The following SUSD4 variants were observed in gnomAD, a reference collection of about 807,000 sequenced individuals.
The protein encoded by SUSD4 is sushi domain-containing protein 4.
Under a neutral mutation model 50.5 loss-of-function variants are expected in SUSD4, and 41 were observed. The ratio of observed to expected loss-of-function variants is 0.81; its 90% confidence interval spans 0.63 to 1.05. The LOEUF is 1.05. Ranked by LOEUF, SUSD4 falls within the 50% of genes least tolerant of loss-of-function variation. The pLI is 0.00. For synonymous variants in SUSD4, 257 were observed against 257.3 expected (o/e 1.00, Z 0.01); for missense variants, 580 against 634.7 (o/e 0.91, Z 0.93).
intron 3 of SUSD4, among the ~76,000 whole-genome samples, chr1:223,283,128 G>A (rs936228157): frequency 5.3e-5 from 8 of 152,148 alleles, no homozygotes; most frequent in South Asian, 2.1e-4. Context: ...CATAAAAACC[G>A]TAGAAGAAAA....
At chr1:223,339,495 C>T (rs1667636956) in intron 2 of SUSD4, among the ~76,000 whole-genome samples, 1 of 152,134 alleles carries the variant, frequency 6.6e-6, no homozygotes, top group African/African-American at 2.4e-5. Flanking sequence ...CCCTCCAACC[C>T]GCCATCTCCC....
At chr1:223,349,844 G>T (rs888817159) in intron 2 of SUSD4, among the ~76,000 whole-genome samples, 2 of 152,114 alleles carry the variant, frequency 1.3e-5, no homozygotes, top group Non-Finnish European at 2.9e-5. Context: ...TCTTCCTTTC[G>T]TATCTGCTAA....
chr1:223,330,035 T>C (rs1007476498), intron 2 of SUSD4, among the ~76,000 whole-genome samples: 9 of 152,132 alleles, frequency 5.9e-5, no homozygotes, highest in Non-Finnish European at 1.3e-4. Flanking sequence ...GCAGTATAGA[T>C]GGATGGATAA....
At chr1:223,263,580 A>G (rs777426683) in intron 5 of SUSD4, 43 of 985,294 alleles carry the variant, frequency 4.4e-5, no homozygotes, top group Middle Eastern at 1.0e-3. Flanking sequence ...GACAAAACCA[A>G]TGGGAAGGGC....
intron 5 of SUSD4, among the ~76,000 whole-genome samples, chr1:223,247,742 C>A (rs944093841): frequency 6.6e-6 from 1 of 152,086 alleles, no homozygotes; most frequent in Non-Finnish European, 1.5e-5. Flanking sequence ...GGGAGCTTTG[C>A]CTAATTGGTC....
Position 223,264,695 on chromosome 1 carries a change from G to A in SUSD4, c.659C>T (p.Ala220Val), listed in dbSNP as rs1441489731. The change falls in exon 5 of 9, where the codon GCG becomes GTG. Residue 220 changes from alanine (A) to valine (V), a missense_variant. Coordinates refer to ENST00000366878, the MANE Select transcript of SUSD4 (RefSeq NM_017982.4). ...AAGGTTTTGTAAGCACTCAAGATAC[G>A]CAGACCCATCAAGTTTAAATCCGGG... is the stretch of plus-strand genomic sequence containing the variant. The part of the protein sequence containing the change: ...CFPGFKLDGS[A>V]YLECLQNLIW... 2.5e-6 allele frequency: 4 copies of A among 1,614,208 alleles called. No homozygotes were observed. Among genetic ancestry groups the A allele is most frequent in the South Asian group, 2.2e-5 (2 of 91,082 alleles).
intron 2 of SUSD4, among the ~76,000 whole-genome samples, chr1:223,306,505 T>C (rs923147748): frequency 1.3e-5 from 2 of 152,194 alleles, no homozygotes; most frequent in African/African-American, 4.8e-5. Flanking sequence ...AATTTTTTTG[T>C]TTTTGAGATA....
intron 4 of SUSD4, 68 bp downstream of exon 4, chr1:223,268,434 G>C (rs896895942): frequency 6.5e-7 from 1 of 1,536,108 alleles, no homozygotes; most frequent in Non-Finnish European, 8.8e-7. Context: ...AGATAAACAT[G>C]TACACAGTCT....
At chr1:223,270,098 ATGATGGGAAAGACTCAG>A (rs1278240662) in intron 3 of SUSD4, among the ~76,000 whole-genome samples, 1 of 152,184 alleles carries the variant, frequency 6.6e-6, no homozygotes, top group Non-Finnish European at 1.5e-5. Context: ...TAGGATGTCA[ATGATGGGAAAGACTCAG>A]GCAGACAGGG....
At chr1:223,265,214 G>C (rs544354466) in intron 4 of SUSD4, among the ~76,000 whole-genome samples, 1 of 152,312 alleles carries the variant, frequency 6.6e-6, no homozygotes, top group East Asian at 1.9e-4. Context: ...AATCACCGAG[G>C]TGCTGTAAGA....
Position 223,222,219 on chromosome 1 carries a change from C to T in SUSD4, c.1446G>A (p.Glu482=). ...STSPGIDIAD[E]IPLMEEDP ...AGGGATCTTCTTCCATTAGAGGAAT[C>T]TCTGTAAAAGAAGAGACGGTTATTA... Residue 482 remains glutamate, a splice_region_variant and synonymous_variant, in exon 9 of 9, where the codon GAG becomes GAA. Transcript: ENST00000366878. 3 of 1,613,658 alleles carry T rather than the reference C, an allele frequency of 1.9e-6. No individual in the cohort carries two copies. The highest frequency in any genetic ancestry group is 2.5e-6 in the Non-Finnish European group (3 of 1,179,816).
intron 3 of SUSD4, among the ~76,000 whole-genome samples, chr1:223,281,980 A>G (rs1448338818): frequency 6.6e-6 from 1 of 152,206 alleles, no homozygotes; most frequent in East Asian, 1.9e-4. Flanking sequence ...AGAACCAAAG[A>G]CAAAAACCAC....
intron 7 of SUSD4, 124 bp from the exon 8 acceptor site, chr1:223,223,755 G>T: frequency 8.4e-7 from 1 of 1,186,558 alleles, no homozygotes; most frequent in Non-Finnish European, 1.1e-6. Context: ...CCCGTATGGA[G>T]GATAATATGG....
chr1:223,314,456 TG>T (rs1666062074), intron 2 of SUSD4, among the ~76,000 whole-genome samples: 2 of 152,184 alleles, frequency 1.3e-5, no homozygotes, highest in African/African-American at 4.8e-5. Flanking sequence ...CCACACAGAC[TG>T]GGGGAGACAT....
intron 2 of SUSD4, among the ~76,000 whole-genome samples, chr1:223,327,108 A>G (rs905953065): frequency 6.6e-6 from 1 of 152,206 alleles, no homozygotes; most frequent in Admixed American, 6.5e-5. Context: ...TCCACTGATT[A>G]AAGAAAATAT....
chr1:223,311,772 GCAGACTGTACT>G (rs1165667395), intron 2 of SUSD4, among the ~76,000 whole-genome samples: 1 of 152,136 alleles, frequency 6.6e-6, no homozygotes, highest in Non-Finnish European at 1.5e-5. Flanking sequence ...GTGTCGAAAT[GCAGACTGTACT>G]ATCATTATAG....
rs140543917 is a variant in SUSD4, at chr1:223,357,176, T to C, written c.148+6102A>G. Among the ~76,000 whole-genome samples, 436 of 152,356 alleles carry C rather than the reference T, an allele frequency of 2.9e-3. 2 individuals carry two copies. Among genetic ancestry groups the C allele is most frequent in the Non-Finnish European group, 5.0e-3 (340 of 68,032 alleles). ...ACATGGGTTTCTGTCCTCTTACCAT[T>C]CACCATTCAGAGCCCAAGATTCAGG... On this transcript the variant is annotated intron_variant, in intron 2 of 8. Transcript: ENST00000366878.
chr1:223,261,509 G>T (rs891817290), intron 5 of SUSD4, among the ~76,000 whole-genome samples: 8 of 152,142 alleles, frequency 5.3e-5, no homozygotes, highest in Admixed American at 5.2e-4. Context: ...CTTCCAAATG[G>T]CATTAAAAGT....
chr1:223,276,241 C>T (rs1663261439), intron 3 of SUSD4, among the ~76,000 whole-genome samples: 1 of 152,224 alleles, frequency 6.6e-6, no homozygotes, highest in African/African-American at 2.4e-5. Context: ...ACTGTGCGAC[C>T]TTTATACAGG....
Sources: gnomAD v4.1 joint callset for allele counts (sites outside exome capture counted in the v4.1 genomes callset) on GRCh38, gnomAD v4.1.1 for gene constraint, MANE v1.5 for transcripts, NCBI Gene and HGNC (gene_info 2026-07-23, HGNC 2026-07-21) for gene names.